Variants in VEPH1 observed in about 807,000 individuals in gnomAD.
VEPH1 encodes the protein ventricular zone-expressed PH domain-containing protein homolog 1.
A neutral mutation model predicts 85.2 loss-of-function variants in VEPH1; 80 were observed. The ratio of observed to expected loss-of-function variants is 0.94; its 90% CI spans 0.78 to 1.13. The LOEUF (loss-of-function observed/expected upper bound fraction) is 1.13, where lower values mean the gene tolerates loss of function less well. VEPH1 is among the 50% of genes most tolerant of loss of function. The pLI is 0.00. For missense variants in VEPH1, 955 were observed against 980.5 expected, an observed-to-expected ratio of 0.97 and a Z score of 0.35; for synonymous variants, 297 against 348.0, an observed-to-expected ratio of 0.85 and a Z score of 1.63.
chr3:157,502,037 T>C (rs1386697039), intron 1 of VEPH1, among the ~76,000 whole-genome samples: 2 of 152,206 alleles, frequency 1.3e-5, no homozygotes, highest in Non-Finnish European at 2.9e-5. Flanking sequence ...ATTGGCTGCA[T>C]ACATTTCAGC....
intron 5 of VEPH1, among the ~76,000 whole-genome samples, chr3:157,424,296 GT>G (rs1173495354): frequency 6.6e-6 from 1 of 152,210 alleles, no homozygotes; most frequent in African/African-American, 2.4e-5. Flanking sequence ...ATGTGGAACT[GT>G]AAGTCGAATT....
chr3:157,372,723 T>A (rs572211310), intron 7 of VEPH1, among the ~76,000 whole-genome samples: 119 of 152,192 alleles, frequency 7.8e-4, no homozygotes, highest in Non-Finnish European at 1.4e-3. Context: ...ATTTTTTTTT[T>A]AAATTTTCAT....
chr3:157,467,139 G>T (rs1248697260), intron 3 of VEPH1, among the ~76,000 whole-genome samples: 1 of 150,708 alleles, frequency 6.6e-6, no homozygotes, highest in East Asian at 1.9e-4. Flanking sequence ...GTGTGTGTGT[G>T]TGTGTGTGTG....
At chr3:157,286,436 C>T in intron 12 of VEPH1, 121 bp downstream of exon 12, 1 of 793,124 alleles carries the variant, frequency 1.3e-6, no homozygotes, top group Admixed American at 1.9e-5. Flanking sequence ...GGACATGACT[C>T]TGTGCATTAT....
At chr3:157,369,188 A>AAAAAAAAAAAAAC (rs1727155715) in intron 7 of VEPH1, among the ~76,000 whole-genome samples, 1 of 143,746 alleles carries the variant, frequency 7.0e-6, no homozygotes, top group African/African-American at 2.6e-5. Context: ...ATGAAAAAAA[A>AAAAAAAAAAAAAC]AAAAAAAAAA....
At chr3:157,264,675 AAATGGCAAT>A (rs1713376178) in intron 13 of VEPH1, among the ~76,000 whole-genome samples, 1 of 152,206 alleles carries the variant, frequency 6.6e-6, no homozygotes, top group Non-Finnish European at 1.5e-5. Context: ...CTCATCTGTG[AAATGGCAAT>A]AATAGCAGTG....
chr3:157,270,112 T>C (rs952360658), intron 12 of VEPH1, among the ~76,000 whole-genome samples: 5 of 151,748 alleles, frequency 3.3e-5, no homozygotes, highest in Admixed American at 3.3e-4. Flanking sequence ...ATAAAATAAT[T>C]AGCTGGGCAC....
intron 3 of VEPH1, among the ~76,000 whole-genome samples, chr3:157,465,734 C>T (rs1447909593): frequency 1.3e-5 from 2 of 152,144 alleles, no homozygotes; most frequent in African/African-American, 2.4e-5. Context: ...GAAGACTGTG[C>T]GGCATCAAGG....
At chr3:157,346,860 A>G (rs937078031) in intron 9 of VEPH1, among the ~76,000 whole-genome samples, 2 of 151,940 alleles carry the variant, frequency 1.3e-5, no homozygotes, top group African/African-American at 4.8e-5. Context: ...AAGCTATCCT[A>G]TTGCCTCAGC....
intron 11 of VEPH1, among the ~76,000 whole-genome samples, chr3:157,301,539 A>G (rs924515683): frequency 1.3e-5 from 2 of 152,120 alleles, no homozygotes; most frequent in East Asian, 1.9e-4. Context: ...TACATATGCT[A>G]TGTTTCCTTC....
chr3:157,441,086 T>G (rs1734083027), intron 4 of VEPH1, among the ~76,000 whole-genome samples: 1 of 152,212 alleles, frequency 6.6e-6, no homozygotes, highest in African/African-American at 2.4e-5. Context: ...CGCTAAAGCC[T>G]AGAGGAAATT....
chr3:157,363,509 C>A lies in VEPH1; in HGVS notation c.1590G>T (p.Gln530His). 1 of 1,614,032 alleles carries A rather than the reference C, an allele frequency of 6.2e-7. No homozygotes were observed. The highest frequency in any genetic ancestry group is 8.5e-7 in the Non-Finnish European group (1 of 1,179,998). ...NLSETVKENS[Q>H]EETPETTASP... ...TTGCAGTTGTCTCTGGAGTTTCTTC[C>A]TGGGAGTTTTCTTTAACAGTTTCTG... Residue 530 changes from glutamine (Q) to histidine (H), a missense_variant, in exon 9 of 14, where the codon CAG becomes CAT. By Grantham distance (24) the Gln-to-His change is conservative. Transcript: ENST00000362010.
intron 5 of VEPH1, among the ~76,000 whole-genome samples, chr3:157,425,830 T>C (rs898002648): frequency 1.3e-5 from 2 of 152,190 alleles, no homozygotes; most frequent in East Asian, 3.9e-4. Context: ...TGTAATGTTA[T>C]GGTTTGGCTC....
chr3:157,465,732 T>G (rs1360179803), intron 3 of VEPH1, among the ~76,000 whole-genome samples: 1 of 152,176 alleles, frequency 6.6e-6, no homozygotes, highest in African/African-American at 2.4e-5. Context: ...GAGAAGACTG[T>G]GCGGCATCAA....
chr3:157,461,942 A>G (rs1735912677), intron 3 of VEPH1, among the ~76,000 whole-genome samples: 2 of 151,828 alleles, frequency 1.3e-5, no homozygotes, highest in African/African-American at 4.8e-5. Flanking sequence ...ACTTCTAGTC[A>G]TCAAGAGATA....
Position 157,377,605 on chromosome 3 carries a change from G to A in VEPH1, c.1127+3551C>T, listed in dbSNP as rs550886448. ...GGGCAGTTTCCCCCATGCTGTTTTC[G>A]TGATAGTGAGTGAGTTCCCATGAGA... On this transcript the variant is annotated intron_variant, in intron 7 of 13. Coordinates refer to ENST00000362010, the MANE Select transcript of VEPH1 (RefSeq NM_001167912.2). 5.3e-5 allele frequency among the ~76,000 whole-genome samples: 8 copies of A among 152,172 alleles called. No individual in the cohort carries two copies. In the South Asian group the frequency reaches 6.2e-4, roughly 12 times the overall value.
At chr3:157,335,719 C>T (rs1440532310) in intron 9 of VEPH1, among the ~76,000 whole-genome samples, 3 of 152,086 alleles carry the variant, frequency 2.0e-5, no homozygotes, top group Non-Finnish European at 2.9e-5. Context: ...GTCAACTATG[C>T]GTACTTTTTT....
chr3:157,457,955 G>T (rs886387389), intron 4 of VEPH1, among the ~76,000 whole-genome samples: 7 of 152,094 alleles, frequency 4.6e-5, no homozygotes, highest in African/African-American at 1.7e-4. Flanking sequence ...GCTCTTCTTT[G>T]TATATCTGGT....
At chr3:157,389,528 A>G (rs1729633124) in intron 6 of VEPH1, among the ~76,000 whole-genome samples, 1 of 152,170 alleles carries the variant, frequency 6.6e-6, no homozygotes, top group Non-Finnish European at 1.5e-5. Flanking sequence ...CCAAATCAAT[A>G]CTATAGTGCT....
Sources: gnomAD v4.1 joint callset for allele counts (sites outside exome capture counted in the v4.1 genomes callset) on GRCh38, gnomAD v4.1.1 for gene constraint, MANE v1.5 for transcripts, NCBI Gene and HGNC (gene_info 2026-07-23, HGNC 2026-07-21) for gene names.